Variants in CLOCK observed in about 807,000 individuals in gnomAD.
The protein encoded by CLOCK is clock circadian regulator.
In CLOCK, 43 loss-of-function variants were observed where a neutral mutation model predicts 118.4. The ratio of observed to expected loss-of-function variants is 0.36; its 90% CI spans 0.28 to 0.47. The LOEUF (loss-of-function observed/expected upper bound fraction) is 0.47, where lower values mean the gene tolerates loss of function less well. Ranked by LOEUF, CLOCK falls within the 20% of genes least tolerant of loss-of-function variation. The probability of loss-of-function intolerance (pLI) is 1.00; values close to 1 mark genes in which losing one functional copy is unlikely to be tolerated. For missense variants in CLOCK, 846 were observed against 999.9 expected (o/e 0.85, Z 2.08); for synonymous variants, 326 against 339.2 (o/e 0.96, Z 0.43).
rs759860074 is a variant in CLOCK at position 55,479,711 on chromosome 4, C to T, written c.48-12G>A. On this transcript the variant is annotated splice_polypyrimidine_tract_variant and intron_variant, in intron 4 of 22. Coordinates refer to ENST00000513440, the MANE Select transcript of CLOCK (RefSeq NM_004898.4). Reference sequence around the variant, plus strand: ...TACTACTGTCATCTCTAAAAGAAAGCGGATAGAGAAAGTAAGAGCAGACTC... The same window carrying T: ...TACTACTGTCATCTCTAAAAGAAAGTGGATAGAGAAAGTAAGAGCAGACTC... 29 of 1,610,688 alleles carry T rather than the reference C, an allele frequency of 1.8e-5. No homozygotes were observed. The highest frequency in any genetic ancestry group is 4.5e-5 in the East Asian group (2 of 44,664).
chr4:55,458,354 G>A (rs941036842), intron 11 of CLOCK, among the ~76,000 whole-genome samples: 5 of 152,068 alleles, frequency 3.3e-5, no homozygotes, highest in Non-Finnish European at 7.4e-5. Context: ...GAGTCACCTC[G>A]CCTGGCCCCG....
rs750988343 is a variant in CLOCK, at chr4:55,478,971, A to T, written c.108-8T>A. 6.3e-7 allele frequency: 1 copy of T among 1,575,146 alleles called. No homozygotes were observed. Among genetic ancestry groups the T allele is most frequent in the Non-Finnish European group, 8.7e-7 (1 of 1,155,146 alleles). On this transcript the variant is annotated splice_region_variant and splice_polypyrimidine_tract_variant and intron_variant, in intron 5 of 22. Transcript: ENST00000513440. ...GATTTGTTTCTAGATACTCTGATGA[A>T]ATGAAAAATATGCATTTTTTAAACA...
chr4:55,504,692 T>C (rs939319997), intron 2 of CLOCK, among the ~76,000 whole-genome samples: 12 of 152,314 alleles, frequency 7.9e-5, no homozygotes, highest in African/African-American at 2.6e-4. Flanking sequence ...TTCTAAATTA[T>C]ACTTATTGGT....
chr4:55,536,840 A>C (rs1328015995), intron 1 of CLOCK, among the ~76,000 whole-genome samples: 1 of 152,126 alleles, frequency 6.6e-6, no homozygotes, highest in Non-Finnish European at 1.5e-5. Flanking sequence ...TTACTACACA[A>C]TGCCTGGCAT....
chr4:55,528,841 ATGTCAGTATC>A (rs1469900514), intron 1 of CLOCK, among the ~76,000 whole-genome samples: 1 of 152,234 alleles, frequency 6.6e-6, no homozygotes, highest in East Asian at 1.9e-4. Flanking sequence ...TCTGGTGTCA[ATGTCAGTATC>A]TGTAGAGCCC....
intron 1 of CLOCK, among the ~76,000 whole-genome samples, chr4:55,518,664 T>TC (rs1433503826): frequency 6.6e-6 from 1 of 152,174 alleles, no homozygotes; most frequent in Non-Finnish European, 1.5e-5. Context: ...GGGAGCTTGT[T>TC]CCCCTCCCTT....
intron 1 of CLOCK, among the ~76,000 whole-genome samples, chr4:55,514,094 T>C (rs1383371598): frequency 1.3e-5 from 2 of 152,100 alleles, no homozygotes; most frequent in Non-Finnish European, 2.9e-5. Context: ...CAGTATACAT[T>C]TCTTTTCATT....
chr4:55,540,005 TA>T (rs952064354), intron 1 of CLOCK, among the ~76,000 whole-genome samples: 1 of 107,448 alleles, frequency 9.3e-6, no homozygotes, highest in Non-Finnish European at 1.8e-5. Context: ...CCAATGATAT[TA>T]ATTTTTTTTT....
chr4:55,468,644 C>T (rs541782266), intron 8 of CLOCK, among the ~76,000 whole-genome samples: 3 of 151,946 alleles, frequency 2.0e-5, no homozygotes, highest in African/African-American at 7.2e-5. Flanking sequence ...AAAATATTTA[C>T]AAGTTGCCCT....
chr4:55,469,062 TAAAC>T (rs1211056470), intron 8 of CLOCK, among the ~76,000 whole-genome samples: 1 of 152,220 alleles, frequency 6.6e-6, no homozygotes, highest in Non-Finnish European at 1.5e-5. Flanking sequence ...TACATGATAA[TAAAC>T]AATCATCTTA....
intron 6 of CLOCK, among the ~76,000 whole-genome samples, chr4:55,478,344 A>T (rs1378589705): frequency 6.6e-6 from 1 of 152,008 alleles, no homozygotes; most frequent in East Asian, 1.9e-4. Flanking sequence ...TTTCAAATAC[A>T]CCCATAATTT....
chr4:55,491,719 T>C (rs930923269), intron 2 of CLOCK, among the ~76,000 whole-genome samples: 4 of 152,048 alleles, frequency 2.6e-5, no homozygotes, highest in Non-Finnish European at 4.4e-5. Flanking sequence ...GTACAATGGA[T>C]AAACAAAATG....
chr4:55,542,994 A>AGGCTGAAC (rs2110126122), intron 1 of CLOCK, among the ~76,000 whole-genome samples: 1 of 152,274 alleles, frequency 6.6e-6, no homozygotes, highest in African/African-American at 2.4e-5. Flanking sequence ...TCTGTCACCA[A>AGGCTGAAC]GGCTGAACTC....
chr4:55,512,052 A>T (rs558607275), intron 1 of CLOCK, among the ~76,000 whole-genome samples: 1 of 152,140 alleles, frequency 6.6e-6, no homozygotes, highest in Non-Finnish European at 1.5e-5. Flanking sequence ...ATTATTGAAA[A>T]GGATGCTATA....
intron 1 of CLOCK, among the ~76,000 whole-genome samples, chr4:55,510,812 A>G (rs1477217281): frequency 6.6e-6 from 1 of 152,110 alleles, no homozygotes; most frequent in Non-Finnish European, 1.5e-5. Flanking sequence ...TGGAAGTAAA[A>G]GAAGTCCAAT....
rs1271215422 is a variant in CLOCK at position 55,428,024 on chromosome 4, CAT to C, written c.*7389_*7390del. 1 of 152,132 alleles carries C rather than the reference CAT, an allele frequency of 6.6e-6. No individual in the cohort carries two copies. The highest frequency in any genetic ancestry group is 1.5e-5 in the Non-Finnish European group (1 of 68,026). 9.4% of individuals were successfully genotyped at this position (152,132 alleles called of 1,614,324 possible). A position where few individuals can be genotyped will look rare whatever the true frequency, so the allele number is the denominator to read the frequency against. On this transcript the variant is annotated 3_prime_UTR_variant, in exon 23 of 23. Transcript: ENST00000513440. ...AGAAATGCAGGTGATAACTGAAAAACATAGCACTGAGGTATTTTTTATTTTTA... is the reference window on the plus strand; with the variant it reads ...AGAAATGCAGGTGATAACTGAAAAACAGCACTGAGGTATTTTTTATTTTTA...
intron 2 of CLOCK, among the ~76,000 whole-genome samples, chr4:55,490,798 G>A (rs1008594974): frequency 3.3e-5 from 5 of 152,062 alleles, no homozygotes; most frequent in Non-Finnish European, 1.5e-5. Flanking sequence ...ATCCACAGAC[G>A]TGGAACCTTC....
Position 55,462,844 on chromosome 4 carries a change from T to TTGTGTGTG in CLOCK, c.559+840_559+841insCACACACA, listed in dbSNP as rs148360787. Among the ~76,000 whole-genome samples the TTGTGTGTG allele has an allele frequency of 5.3e-3, 802 of 151,436 alleles. 12 individuals are homozygous for TTGTGTGTG. Among genetic ancestry groups the TTGTGTGTG allele is most frequent in the East Asian group, 0.051 (262 of 5,146 alleles). ...ACCAAAGTTATAGATACACACAGAT[T>TTGTGTGTG]TGTGTGAGTGTGTGTGTGTGTGTAT... On this transcript the variant is annotated intron_variant, in intron 9 of 22. Transcript: ENST00000513440.
chr4:55,474,378 G>T (rs1045249497), intron 7 of CLOCK, among the ~76,000 whole-genome samples: 6 of 152,184 alleles, frequency 3.9e-5, no homozygotes, highest in Non-Finnish European at 8.8e-5. Flanking sequence ...GAGGTATAAG[G>T]AAAGAGGCCA....
Sources: allele counts gnomAD v4.1 joint callset (sites outside exome capture counted in the v4.1 genomes callset), GRCh38; gene constraint gnomAD v4.1.1; transcripts MANE v1.5; gene names NCBI Gene and HGNC (gene_info 2026-07-23, HGNC 2026-07-21).